The following JPT2 variants were observed in gnomAD, a reference collection of about 807,000 sequenced individuals.
JPT2 encodes Jupiter microtubule associated homolog 2.
JPT2 carries 9 observed loss-of-function variants against 15.9 expected under a neutral mutation model. That is an observed-to-expected ratio of 0.57 (90% confidence interval 0.34 to 0.99). The LOEUF is 0.99. Among genes scored for constraint, JPT2 ranks in the 50% least tolerant of loss-of-function variants. The pLI is 0.02. For missense variants in JPT2, 267 were observed against 252.1 expected, an observed-to-expected ratio of 1.06 and a Z score of -0.40; for synonymous variants, 95 against 91.7, an observed-to-expected ratio of 1.04 and a Z score of -0.21.
intron 2 of JPT2, among the ~76,000 whole-genome samples, chr16:1,688,128 AG>A (rs2037080896): frequency 6.6e-6 from 1 of 152,222 alleles, no homozygotes; most frequent in Non-Finnish European, 1.5e-5. Flanking sequence ...GACTGTGCTA[AG>A]TGCTTTGCAT....
chr16:1,682,708 G>C (rs370455683), intron 1 of JPT2, among the ~76,000 whole-genome samples: 2 of 151,940 alleles, frequency 1.3e-5, no homozygotes, highest in Non-Finnish European at 2.9e-5. Context: ...GGAGGGCTGC[G>C]TGATTCAAAA....
At chr16:1,679,394 A>G (rs2037002383) in intron 1 of JPT2, among the ~76,000 whole-genome samples, 1 of 152,218 alleles carries the variant, frequency 6.6e-6, no homozygotes, top group African/African-American at 2.4e-5. Context: ...AACTTGCTAA[A>G]AATAAAAACC....
At chr16:1,680,325 G>A (rs1224533585) in intron 1 of JPT2, 2 of 1,002,248 alleles carry the variant, frequency 2.0e-6, no homozygotes, top group Non-Finnish European at 2.4e-6. Flanking sequence ...CCTGAGCGAC[G>A]CCGATGTTTT....
rs2037155574 is a variant in JPT2, at chr16:1,698,133, C to T, written c.385+273C>T. 6.6e-6 allele frequency among the ~76,000 whole-genome samples: 1 copy of T among 152,154 alleles called. No individual in the cohort carries two copies. The highest frequency in any genetic ancestry group is 1.5e-5 in the Non-Finnish European group (1 of 68,040). On this transcript the variant is annotated intron_variant, in intron 4 of 4. Transcript: ENST00000248098. This position sits in a 1 kb window ranked among gnomAD's most constrained non-coding sequence, Gnocchi z 4.9. ...ATCTGTGTAGTGATGGGCAGGGATC[C>T]CAAACCTTCAGTGAACTCATGACCA...
intron 2 of JPT2, among the ~76,000 whole-genome samples, chr16:1,691,613 C>T (rs2037103844): frequency 6.6e-6 from 1 of 152,120 alleles, no homozygotes; most frequent in African/African-American, 2.4e-5. Context: ...CCTAGATCAG[C>T]TCAGTTCTAG....
chr16:1,682,744 A>T (rs1054113634), intron 1 of JPT2, among the ~76,000 whole-genome samples: 43 of 152,002 alleles, frequency 2.8e-4, no homozygotes, highest in African/African-American at 1.0e-3. Flanking sequence ...AGATGGCCTT[A>T]TGGCCACTCT....
chr16:1,688,876 G>T (rs1372839948), intron 2 of JPT2: 28 of 152,204 alleles, frequency 1.8e-4, no homozygotes, highest in Non-Finnish European at 1.9e-4. Flanking sequence ...AATGGTAATA[G>T]ACATATGTGG....
At position 1,701,429 on chromosome 16, in the gene JPT2, C is replaced by T. The variant is rs1008662699; in HGVS notation, c.*2431C>T. ...AAACTTAGCAATCACGTGCTCAGAG[C>T]TTTTGCCTGTCAGTTGTGTGTGTCC... On this transcript the variant is annotated 3_prime_UTR_variant, in exon 5 of 5. Transcript: ENST00000248098. 8 of 152,250 alleles carry T rather than the reference C, an allele frequency of 5.3e-5. No homozygotes were observed. The highest frequency in any genetic ancestry group is 1.9e-4 in the African/African-American group (8 of 41,430). 9.4% of individuals were successfully genotyped at this position (152,250 alleles called of 1,614,324 possible).
At chr16:1,685,038 A>C (rs2037054283) in intron 1 of JPT2, among the ~76,000 whole-genome samples, 1 of 152,086 alleles carries the variant, frequency 6.6e-6, no homozygotes, top group Non-Finnish European at 1.5e-5. Flanking sequence ...TGTTAAGAAA[A>C]TACTTTTGCT....
intron 4 of JPT2, 134 bp downstream of exon 4, chr16:1,697,994 G>A: frequency 1.3e-6 from 1 of 746,202 alleles, no homozygotes; most frequent in Admixed American, 2.4e-5. Context: ...GAGCTCAGGT[G>A]TATCCACTGC....
rs2037056274 is a variant in JPT2 at position 1,685,333 on chromosome 16, G to T, written c.45-106G>T. The T allele has an allele frequency of 6.1e-6, 8 of 1,307,610 alleles. No homozygotes were observed. The South Asian group carries it at 9.8e-5, about 16-fold the overall frequency. 81.0% of individuals were successfully genotyped at this position (1,307,610 alleles called of 1,614,324 possible). On this transcript the variant is annotated intron_variant, in intron 1 of 4. Coordinates refer to ENST00000248098, the MANE Select transcript of JPT2 (RefSeq NM_144570.3). Reference sequence around the variant, plus strand: ...ACAGAATGAGACCTTGTCTCAAAAAGAAAAAAACAAAATACTTTTACCCTG... The same window carrying T: ...ACAGAATGAGACCTTGTCTCAAAAATAAAAAAACAAAATACTTTTACCCTG...
At chr16:1,687,733 G>T (rs1426061508) in intron 2 of JPT2, among the ~76,000 whole-genome samples, 1 of 152,188 alleles carries the variant, frequency 6.6e-6, no homozygotes, top group Non-Finnish European at 1.5e-5. Context: ...TCTCACGGTT[G>T]TTGGGAGTTT....
At chr16:1,702,709 C>G (rs992596625), downstream of JPT2, among the ~76,000 whole-genome samples, 2 of 152,188 alleles carry the variant, frequency 1.3e-5, no homozygotes, top group Non-Finnish European at 2.9e-5. Context: ...CTGAAATACT[C>G]CTGTGTAATG....
chr16:1,697,960 C>G (rs2037154579), intron 4 of JPT2, 100 bp downstream of exon 4: 1 of 1,038,412 alleles, frequency 9.6e-7, no homozygotes, highest in Admixed American at 2.0e-5. Context: ...TTTCTTTGCA[C>G]CTTCTGGGCC....
chr16:1,678,412 G>C, intron 1 of JPT2, 56 bp downstream of exon 1: 1 of 1,223,954 alleles, frequency 8.2e-7, no homozygotes, highest in East Asian at 3.2e-5. Context: ...TGGCGGGAGC[G>C]GGCCAGCCCA....
intron 2 of JPT2, among the ~76,000 whole-genome samples, chr16:1,691,175 G>C (rs1214591352): frequency 2.2e-4 from 33 of 152,228 alleles, no homozygotes; most frequent in Admixed American, 2.2e-3. Flanking sequence ...CCATCTTTCT[G>C]TGGAATGTTA....
In JPT2 at chr16:1,699,010, G is replaced by A; in HGVS notation, c.*12G>A. ...TCTCCTTCTACTAAGAGAAGCCACT[G>A]CTCCACCCGGAGCCAGACCAGAAAC... On this transcript the variant is annotated 3_prime_UTR_variant, in exon 5 of 5. Transcript: ENST00000248098. The A allele has an allele frequency of 6.2e-7, 1 of 1,611,538 alleles. No individual in the cohort carries two copies. The highest frequency in any genetic ancestry group is 8.5e-7 in the Non-Finnish European group (1 of 1,178,650).
rs1242298258 is a variant in JPT2 at position 1,691,972 on chromosome 16, C to T, written c.323C>T (p.Pro108Leu). 6.2e-7 allele frequency: 1 copy of T among 1,614,156 alleles called. No homozygotes were observed. Among genetic ancestry groups the T allele is most frequent in the Middle Eastern group, 1.6e-4 (1 of 6,062 alleles). Residue 108 changes from proline to leucine, a missense_variant, in exon 3 of 5, where the codon CCA (proline) becomes CTA (leucine). Transcript: ENST00000248098. Reference protein sequence around the residue: ...PVTATSRLAHPNKPKDHVFLC... With the variant: ...PVTATSRLAHLNKPKDHVFLC... ...ACTGCCACTTCACGCTTGGCACACC[C>T]AAACAAACCCAAGGTATGGACTGCA...
chr16:1,679,006 T>C (rs911641480), intron 1 of JPT2, among the ~76,000 whole-genome samples: 4 of 152,236 alleles, frequency 2.6e-5, no homozygotes, highest in African/African-American at 4.8e-5. Flanking sequence ...TGGGCTTCGC[T>C]GTAGGAAGAA....
Sources: gnomAD v4.1 joint callset for allele counts (sites outside exome capture counted in the v4.1 genomes callset) on GRCh38, gnomAD v4.1.1 for gene constraint, Gnocchi (gnomAD v3.1) non-coding constraint, MANE v1.5 for transcripts, NCBI Gene and HGNC (gene_info 2026-07-23, HGNC 2026-07-21) for gene names.